SNAP91: variants seen among roughly 807,000 people sequenced by gnomAD.
SNAP91 encodes the protein synaptosome associated protein 91.
Under a neutral mutation model 100.3 loss-of-function variants are expected in SNAP91, and 27 were observed. That is an observed-to-expected ratio of 0.27 (90% CI 0.20 to 0.37). SNAP91 has a LOEUF of 0.37. Ranked by LOEUF, SNAP91 falls within the 10% of genes least tolerant of loss-of-function variation. SNAP91 has a pLI of 1.00. For missense variants in SNAP91, 986 were observed against 1,123.7 expected (o/e 0.88, Z 1.75); for synonymous variants, 404 against 398.6 (o/e 1.01, Z -0.16).
chr6:83,621,380 G>C (rs1391609577), intron 9 of SNAP91, among the ~76,000 whole-genome samples: 1 of 152,010 alleles, frequency 6.6e-6, no homozygotes, highest in Non-Finnish European at 1.5e-5. Flanking sequence ...TGGCGCTTAA[G>C]GTCATAACAA....
Position 83,555,836 on chromosome 6 carries a change from A to C in SNAP91, c.*10+307T>G, listed in dbSNP as rs572145082. ...TAGCTTTCTATAAATTCAAGTCATC[A>C]TGTAATAAAGTGGTAATTTTCTAAT... On this transcript the variant is annotated intron_variant, in intron 29 of 29. Coordinates refer to ENST00000369694, the MANE Select transcript of SNAP91 (RefSeq NM_001242792.2). Among the ~76,000 whole-genome samples the C allele has an allele frequency of 3.9e-5, 6 of 152,306 alleles. No individual in the cohort carries two copies. In the South Asian group the frequency reaches 6.2e-4, roughly 16 times the overall value.
At chr6:83,686,524 T>G (rs1233235397) in intron 2 of SNAP91, among the ~76,000 whole-genome samples, 1 of 152,226 alleles carries the variant, frequency 6.6e-6, no homozygotes, top group African/African-American at 2.4e-5. Context: ...GGTGACTAAT[T>G]CAGCTAATAA....
intron 26 of SNAP91, among the ~76,000 whole-genome samples, chr6:83,569,805 G>A (rs925666679): frequency 3.1e-4 from 47 of 152,174 alleles, no homozygotes; most frequent in Non-Finnish European, 6.2e-4. Context: ...CCAAACAAGC[G>A]CTCTCTTTGC....
rs1326625473 is a variant in SNAP91, at chr6:83,679,659, T to C, written c.131-14078A>G. Among the ~76,000 whole-genome samples, 4 of 152,260 alleles carry C rather than the reference T, an allele frequency of 2.6e-5. No homozygotes were observed. The East Asian group carries it at 7.7e-4, about 29-fold the overall frequency. ...ATGAATGAAGTTCCTACTTCCACTA[T>C]AGCTTGGGGTCGCGAGGAAAGATCT... On this transcript the variant is annotated intron_variant, in intron 2 of 29. Coordinates refer to ENST00000369694, the MANE Select transcript of SNAP91 (RefSeq NM_001242792.2).
intron 29 of SNAP91, 48 bp downstream of exon 29, chr6:83,556,095 G>T: frequency 2.9e-6 from 3 of 1,034,942 alleles, no homozygotes; most frequent in South Asian, 1.4e-5. Flanking sequence ...GCTAAGCATT[G>T]TATAGCTCAT....
rs2099400965 is a variant in SNAP91, at chr6:83,707,826, T to C, written c.102A>G (p.Val34=). 4.3e-6 allele frequency: 7 copies of C among 1,613,486 alleles called. No individual in the cohort carries two copies. Among genetic ancestry groups the C allele is most frequent in the Non-Finnish European group, 5.1e-6 (6 of 1,179,694 alleles). Residue 34 remains valine, a synonymous_variant, in exon 2 of 30, where the codon GTA becomes GTG. Transcript: ENST00000369694. ...CCAGGTGCTTTTTCTTGGGGCCCAT[T>C]ACTTCATGAGTAGTGGCTTTGCAGA... ...RAVCKATTHE[V]MGPKKKHLDY... is the part of the protein sequence containing the mutation.
At chr6:83,618,940 C>T (rs993476422) in intron 9 of SNAP91, among the ~76,000 whole-genome samples, 2 of 151,680 alleles carry the variant, frequency 1.3e-5, no homozygotes, top group African/African-American at 2.4e-5. Context: ...GCAACAAATA[C>T]GGGATAACCA....
intron 28 of SNAP91, among the ~76,000 whole-genome samples, chr6:83,557,609 G>A (rs1038525300): frequency 4.6e-5 from 7 of 152,118 alleles, no homozygotes; most frequent in Non-Finnish European, 1.0e-4. Context: ...AGGAGTTCAA[G>A]GCTGCAGTGA....
At chr6:83,616,531 A>C (rs573738907) in intron 10 of SNAP91, among the ~76,000 whole-genome samples, 9 of 152,262 alleles carry the variant, frequency 5.9e-5, no homozygotes, top group African/African-American at 2.2e-4. Flanking sequence ...AAGTAGGGAG[A>C]TACTGGAGTC....
intron 5 of SNAP91, 49 bp from the exon 6 acceptor site, chr6:83,659,141 T>G: frequency 1.5e-6 from 2 of 1,356,804 alleles, no homozygotes; most frequent in Non-Finnish European, 2.0e-6. Flanking sequence ...ATATGGACAA[T>G]TCAAGACCAT....
intron 2 of SNAP91, among the ~76,000 whole-genome samples, chr6:83,687,682 T>A (rs1283507586): frequency 6.6e-6 from 1 of 152,016 alleles, no homozygotes; most frequent in African/African-American, 2.4e-5. Context: ...GTGTTAAGAG[T>A]ACTTTGTTGG....
chr6:83,656,665 C>CAAA, intron 7 of SNAP91, 89 bp downstream of exon 7: 2 of 371,502 alleles, frequency 5.4e-6, no homozygotes, highest in Admixed American at 7.1e-5. Flanking sequence ...ATATTGCCCA[C>CAAA]CAAGTGAGAC....
intron 29 of SNAP91, among the ~76,000 whole-genome samples, chr6:83,555,375 C>A (rs1347251355): frequency 6.6e-6 from 1 of 152,118 alleles, no homozygotes; most frequent in African/African-American, 2.4e-5. Flanking sequence ...CCCTGTGGGA[C>A]CCTGGGCAAA....
chr6:83,578,752 A>AT (rs1466456040), intron 24 of SNAP91, among the ~76,000 whole-genome samples: 3 of 152,010 alleles, frequency 2.0e-5, no homozygotes, highest in African/African-American at 7.2e-5. Context: ...CTATTTATCT[A>AT]TTTTTTCTTT....
intron 21 of SNAP91, among the ~76,000 whole-genome samples, chr6:83,591,716 GT>G (rs2093774105): frequency 6.6e-6 from 1 of 152,090 alleles, no homozygotes; most frequent in African/African-American, 2.4e-5. Flanking sequence ...ACATGTCAAG[GT>G]TTAGTGTTTA....
At chr6:83,684,154 C>T (rs1331214705) in intron 2 of SNAP91, among the ~76,000 whole-genome samples, 1 of 152,166 alleles carries the variant, frequency 6.6e-6, no homozygotes, top group Non-Finnish European at 1.5e-5. Flanking sequence ...TTTCCCAATA[C>T]CCTAAAGCAG....
intron 7 of SNAP91, among the ~76,000 whole-genome samples, chr6:83,656,082 G>A (rs1395405225): frequency 2.0e-5 from 3 of 152,098 alleles, no homozygotes; most frequent in Non-Finnish European, 2.9e-5. Context: ...AAGAAACATT[G>A]AACTACACCA....
At chr6:83,643,605 T>C (rs1007379626) in intron 7 of SNAP91, among the ~76,000 whole-genome samples, 1 of 152,170 alleles carries the variant, frequency 6.6e-6, no homozygotes, top group African/African-American at 2.4e-5. Context: ...ATTTTAATAT[T>C]GTCTCATACT....
At chr6:83,593,762 GACAC>G (rs762469451) in intron 17 of SNAP91, 21 bp from the exon 18 acceptor site, 2 of 1,540,752 alleles carry the variant, frequency 1.3e-6, no homozygotes. Context: ...GGAAAGTGGA[GACAC>G]ACACAGCATC....
Sources: gnomAD v4.1 joint callset for allele counts (sites outside exome capture counted in the v4.1 genomes callset) on GRCh38, gnomAD v4.1.1 for gene constraint, MANE v1.5 for transcripts, NCBI Gene and HGNC (gene_info 2026-07-23, HGNC 2026-07-21) for gene names.